SMG6: variants seen among roughly 807,000 people sequenced by gnomAD.
SMG6 encodes the protein telomerase-binding protein EST1A.
In SMG6, 66 loss-of-function variants were observed where a neutral mutation model predicts 142.2. The observed-to-expected ratio is 0.46, with a 90% CI of 0.38 to 0.57. The LOEUF (loss-of-function observed/expected upper bound fraction) is 0.57, where lower values mean the gene tolerates loss of function less well. SMG6 is among the 20% of genes least tolerant of loss of function. The pLI, the probability that SMG6 is intolerant of heterozygous loss-of-function variation, is 0.00. For missense variants in SMG6, 1,793 were observed against 1,832.0 expected (o/e 0.98, Z 0.39); for synonymous variants, 779 against 702.4 (o/e 1.11, Z -1.72).
chr17:2,146,157 G>GT (rs1414573186), intron 13 of SMG6, among the ~76,000 whole-genome samples: 1 of 152,212 alleles, frequency 6.6e-6, no homozygotes, highest in Non-Finnish European at 1.5e-5. Flanking sequence ...ATATGCTTAA[G>GT]TAAAACCTAG....
At chr17:2,267,735 A>T (rs1024778220) in intron 8 of SMG6, among the ~76,000 whole-genome samples, 3 of 143,892 alleles carry the variant, frequency 2.1e-5, no homozygotes, top group African/African-American at 7.5e-5. Context: ...ATGTATTTTT[A>T]ATTATTTTTA....
intron 13 of SMG6, among the ~76,000 whole-genome samples, chr17:2,172,426 G>A (rs1452038239): frequency 1.3e-5 from 2 of 151,828 alleles, no homozygotes; most frequent in South Asian, 2.1e-4. Context: ...GGAAATGATC[G>A]TATATACAAC....
chr17:2,224,043 C>T (rs1460090196), intron 10 of SMG6, among the ~76,000 whole-genome samples: 1 of 152,060 alleles, frequency 6.6e-6, no homozygotes, highest in Non-Finnish European at 1.5e-5. Context: ...TCAAACAGCT[C>T]ATTATTCTGA....
At chr17:2,116,893 A>C (rs2069524144) in intron 13 of SMG6, among the ~76,000 whole-genome samples, 1 of 152,106 alleles carries the variant, frequency 6.6e-6, no homozygotes, top group African/African-American at 2.4e-5. Context: ...GAATCCAAGA[A>C]AAACATGGGT....
At chr17:2,136,208 T>G (rs1385938476) in intron 13 of SMG6, among the ~76,000 whole-genome samples, 1 of 151,928 alleles carries the variant, frequency 6.6e-6, no homozygotes, top group African/African-American at 2.4e-5. Flanking sequence ...ATTACAGGCA[T>G]GCACACCATG....
At chr17:2,173,286 C>A (rs1280305710) in intron 12 of SMG6, 2 of 208,958 alleles carry the variant, frequency 9.6e-6, no homozygotes, top group African/African-American at 4.6e-5. Flanking sequence ...AGCCTCTCCT[C>A]CTCCAGCCAC....
At chr17:2,102,871 T>C (rs764146486) in intron 13 of SMG6, among the ~76,000 whole-genome samples, 8 of 152,184 alleles carry the variant, frequency 5.3e-5, no homozygotes, top group Non-Finnish European at 1.0e-4. Flanking sequence ...AGATTCTACA[T>C]GTAAGTGAGA....
chr17:2,087,952 G>A, intron 13 of SMG6: 1 of 985,808 alleles, frequency 1.0e-6, no homozygotes, highest in South Asian at 4.7e-5. Flanking sequence ...GCTACTGCTT[G>A]CACTATGGAG....
chr17:2,128,276 G>A (rs1021418882), intron 13 of SMG6, among the ~76,000 whole-genome samples: 13 of 152,166 alleles, frequency 8.5e-5, no homozygotes, highest in East Asian at 3.9e-4. Flanking sequence ...GGGAGGGCAC[G>A]AAATGGTAAA....
intron 8 of SMG6, among the ~76,000 whole-genome samples, chr17:2,263,910 G>A (rs1488606503): frequency 6.6e-6 from 1 of 152,054 alleles, no homozygotes; most frequent in Non-Finnish European, 1.5e-5. Flanking sequence ...GAGCAAAGAG[G>A]GATTTTACAG....
chr17:2,174,191 G>A (rs2071591650), intron 12 of SMG6, among the ~76,000 whole-genome samples: 1 of 152,152 alleles, frequency 6.6e-6, no homozygotes, highest in African/African-American at 2.4e-5. Context: ...TTGAGGCCAG[G>A]AGTTCAAGAC....
chr17:2,080,604 TGAGA>T (rs1017412922), intron 15 of SMG6, among the ~76,000 whole-genome samples: 8 of 152,080 alleles, frequency 5.3e-5, no homozygotes, highest in African/African-American at 1.9e-4. Flanking sequence ...ACAGTGACTC[TGAGA>T]GATAGGTGCT....
At chr17:2,170,087 G>A (rs2071456702) in intron 13 of SMG6, among the ~76,000 whole-genome samples, 1 of 152,138 alleles carries the variant, frequency 6.6e-6, no homozygotes, top group Non-Finnish European at 1.5e-5. Context: ...AAGGGTAAAG[G>A]AAGACCAGGT....
chr17:2,192,767 G>A (rs1442167011), intron 10 of SMG6, among the ~76,000 whole-genome samples: 3 of 152,202 alleles, frequency 2.0e-5, no homozygotes, highest in Non-Finnish European at 4.4e-5. Context: ...TGGGCAGTGA[G>A]AGTATCTTTC....
At chr17:2,114,261 C>T (rs1013481641) in intron 13 of SMG6, among the ~76,000 whole-genome samples, 1 of 152,054 alleles carries the variant, frequency 6.6e-6, no homozygotes, top group African/African-American at 2.4e-5. Flanking sequence ...CAGAGTGGGA[C>T]TCCATCCCAA....
rs769311609 is a variant in SMG6 at position 2,188,455 on chromosome 17, G to A, written c.2930C>T (p.Ala977Val). The change falls in exon 11 of 19, where the codon GCC becomes GTC. Residue 977 changes from alanine to valine, a missense_variant. By Grantham distance (64) the Ala-to-Val change is moderately conservative (BLOSUM62 0). Around this residue, in one of 3 missense-constraint regions of SMG6, gnomAD observed 1,597 missense variants for 1,584.6 expected, o/e 1.01. Coordinates refer to ENST00000263073, the MANE Select transcript of SMG6 (RefSeq NM_017575.5). ...GCGGCGGACCAGTAGAGAAAACATG[G>A]CCAAGCCCAGAGCTGCGGCTTGTTC... ...IQEQAAALGL[A>V]MFSLLVRRCT... 1.9e-6 allele frequency: 3 copies of A among 1,613,972 alleles called. No homozygotes were observed. Among genetic ancestry groups the A allele is most frequent in the Non-Finnish European group, 2.5e-6 (3 of 1,180,010 alleles).
chr17:2,147,158 C>T (rs1302118310), intron 13 of SMG6, among the ~76,000 whole-genome samples: 3 of 151,998 alleles, frequency 2.0e-5, no homozygotes, highest in East Asian at 3.9e-4. Context: ...TTTGGGAGGC[C>T]GAGGTGGGTG....
At chr17:2,211,077 C>T (rs1597609718) in intron 10 of SMG6, among the ~76,000 whole-genome samples, 1 of 145,406 alleles carries the variant, frequency 6.9e-6, no homozygotes, top group Middle Eastern at 3.6e-3. Context: ...ATACATAGAA[C>T]TTCCTGGAGG....
chr17:2,188,803 C>T (rs1039526099), intron 10 of SMG6, among the ~76,000 whole-genome samples: 1 of 152,200 alleles, frequency 6.6e-6, no homozygotes, highest in African/African-American at 2.4e-5. Context: ...TGCATGGTCT[C>T]TGCCTTTAGC....
Sources: allele counts gnomAD v4.1 joint callset (sites outside exome capture counted in the v4.1 genomes callset), GRCh38; gene constraint gnomAD v4.1.1; regional missense constraint gnomAD v4.1.1; transcripts MANE v1.5; gene names NCBI Gene and HGNC (gene_info 2026-07-23, HGNC 2026-07-21).